ADGRL3: variants seen among roughly 807,000 people sequenced by gnomAD.
The protein encoded by ADGRL3 is calcium-independent alpha-latrotoxin receptor 3.
In ADGRL3, 62 loss-of-function variants were observed where a neutral mutation model predicts 153.5. The ratio of observed to expected loss-of-function variants is 0.40; its 90% CI spans 0.33 to 0.50. ADGRL3 has a LOEUF of 0.50. ADGRL3 is among the 20% of genes least tolerant of loss of function. The probability of loss-of-function intolerance (pLI) is 0.47; values close to 1 mark genes in which losing one functional copy is unlikely to be tolerated. For missense variants in ADGRL3, 1,641 were observed against 1,859.4 expected (o/e 0.88, Z 2.16); for synonymous variants, 710 against 672.5 (o/e 1.06, Z -0.86).
At chr4:61,928,601 T>C (rs187466841) in intron 13 of ADGRL3, among the ~76,000 whole-genome samples, 9 of 152,318 alleles carry the variant, frequency 5.9e-5, no homozygotes, top group African/African-American at 2.2e-4. Context: ...AAATTACCTT[T>C]GGAAACATTA....
intron 11 of ADGRL3, among the ~76,000 whole-genome samples, chr4:61,903,058 T>C (rs372767928): frequency 6.6e-6 from 1 of 152,186 alleles, no homozygotes; most frequent in Non-Finnish European, 1.5e-5. Flanking sequence ...CGGATGGAGA[T>C]AGCTAGACAC....
At chr4:61,204,787 C>T (rs574476462) in intron 1 of ADGRL3, among the ~76,000 whole-genome samples, 1 of 151,976 alleles carries the variant, frequency 6.6e-6, no homozygotes, top group Non-Finnish European at 1.5e-5. Flanking sequence ...ATCAGGCATC[C>T]CCGGCCTGAA....
chr4:61,316,569 A>C (rs2150654313), intron 1 of ADGRL3, among the ~76,000 whole-genome samples: 1 of 152,322 alleles, frequency 6.6e-6, no homozygotes, highest in South Asian at 2.1e-4. Flanking sequence ...TTACACCGTA[A>C]AAAGATCATC....
At chr4:61,856,809 G>A (rs2098273014) in intron 9 of ADGRL3, among the ~76,000 whole-genome samples, 1 of 150,776 alleles carries the variant, frequency 6.6e-6, no homozygotes, top group Non-Finnish European at 1.5e-5. Flanking sequence ...TCACCATGTT[G>A]GCCAGATTGG....
chr4:62,075,043 A>G lies in ADGRL3; in HGVS notation c.*4135A>G, dbSNP rs1279585823. On this transcript the variant is annotated 3_prime_UTR_variant, in exon 27 of 27. Transcript: ENST00000683033. ...ACTGACTTTCTACATTACTGTAAAG[A>G]TCAAAAGGGAGAGGAAAAATAGTTT... 6.6e-6 allele frequency: 1 copy of G among 152,122 alleles called. No individual in the cohort carries two copies. Among genetic ancestry groups the G allele is most frequent in the East Asian group, 1.9e-4 (1 of 5,200 alleles). 9.4% of individuals were successfully genotyped at this position (152,122 alleles called of 1,614,324 possible).
At chr4:61,775,577 G>C (rs1265864317) in intron 8 of ADGRL3, 44 of 919,716 alleles carry the variant, frequency 4.8e-5, no homozygotes, top group Non-Finnish European at 7.1e-5. Context: ...GTTTTACAGA[G>C]GCCTACCCTT....
rs556392249 is a variant in ADGRL3 at position 61,402,323 on chromosome 4, A to T, written c.-174+19134A>T. Among the ~76,000 whole-genome samples, 5 of 152,228 alleles carry T rather than the reference A, an allele frequency of 3.3e-5. No individual in the cohort carries two copies. In the East Asian group the frequency reaches 7.7e-4, roughly 24 times the overall value. ...AAAGTTAGTGCTTAAATATTCAAAAAATTTTTTTAAAAATTATTCTTTGCT... is the reference window on the plus strand; with the variant it reads ...AAAGTTAGTGCTTAAATATTCAAAATATTTTTTTAAAAATTATTCTTTGCT... On this transcript the variant is annotated intron_variant, in intron 2 of 26. Transcript: ENST00000683033.
At chr4:61,418,473 C>T (rs1046523556) in intron 2 of ADGRL3, among the ~76,000 whole-genome samples, 2 of 151,272 alleles carry the variant, frequency 1.3e-5, no homozygotes, top group Non-Finnish European at 2.9e-5. Context: ...TTGGGGTCAT[C>T]TTGTGTGCAT....
At chr4:62,024,980 A>G (rs1395330072) in intron 21 of ADGRL3, among the ~76,000 whole-genome samples, 2 of 151,632 alleles carry the variant, frequency 1.3e-5, no homozygotes, top group South Asian at 2.1e-4. Context: ...TATTCTTCCT[A>G]TAGTGATGAA....
At chr4:62,057,356 C>A (rs1424415451) in intron 25 of ADGRL3, among the ~76,000 whole-genome samples, 2 of 152,080 alleles carry the variant, frequency 1.3e-5, no homozygotes, top group Non-Finnish European at 2.9e-5. Flanking sequence ...TGTGTTAAAA[C>A]TATACATTAG....
At chr4:61,326,217 A>G (rs564513899) in intron 1 of ADGRL3, among the ~76,000 whole-genome samples, 19 of 152,188 alleles carry the variant, frequency 1.2e-4, no homozygotes, top group African/African-American at 4.1e-4. Context: ...AGTAGTTACT[A>G]TTTACTAGGT....
At chr4:61,279,090 GACT>G (rs2093612065) in intron 1 of ADGRL3, among the ~76,000 whole-genome samples, 1 of 152,156 alleles carries the variant, frequency 6.6e-6, no homozygotes, top group African/African-American at 2.4e-5. Context: ...AGCAGATCAT[GACT>G]GTCTAGACAG....
chr4:61,793,973 G>GA lies in ADGRL3; in HGVS notation c.1400-19830dup, dbSNP rs908645229. Among the ~76,000 whole-genome samples the GA allele has an allele frequency of 4.6e-5, 7 of 152,102 alleles. No individual in the cohort carries two copies. The East Asian group carries it at 9.7e-4, about 21-fold the overall frequency. On this transcript the variant is annotated intron_variant, in intron 8 of 26. Coordinates refer to ENST00000683033, the MANE Select transcript of ADGRL3 (RefSeq NM_001387552.1). ...AGATTTAAAGTACATTAGAAACCTG[G>GA]AAAAAATAGAATAAATCTCTAATAC...
At chr4:61,404,737 A>G (rs944530585) in intron 2 of ADGRL3, among the ~76,000 whole-genome samples, 1 of 152,074 alleles carries the variant, frequency 6.6e-6, no homozygotes, top group South Asian at 2.1e-4. Context: ...GTGCTTTGCA[A>G]AAAGTGTCTG....
intron 1 of ADGRL3, among the ~76,000 whole-genome samples, chr4:61,299,230 A>G (rs529553127): frequency 3.3e-5 from 5 of 152,050 alleles, no homozygotes; most frequent in African/African-American, 7.3e-5. Flanking sequence ...AACACTTCAC[A>G]TATCACAAGC....
intron 9 of ADGRL3, among the ~76,000 whole-genome samples, chr4:61,883,127 CAA>C (rs1278105401): frequency 1.3e-5 from 2 of 152,046 alleles, no homozygotes; most frequent in Admixed American, 1.3e-4. Context: ...AAAAACGAAA[CAA>C]AACAAAAAAA....
At position 61,869,093 on chromosome 4, in the gene ADGRL3, C is replaced by T. The variant is rs180825216; in HGVS notation, c.1481-23563C>T. On this transcript the variant is annotated intron_variant, in intron 9 of 26. Transcript: ENST00000683033. ...GAGTAGCTGGGACTACAGGCACACA[C>T]CACCATGCCCAGCTAATTTTTTTGT... is the stretch of plus-strand genomic sequence containing the variant. Among the ~76,000 whole-genome samples, 531 of 152,262 alleles carry T rather than the reference C, an allele frequency of 3.5e-3. 2 individuals are homozygous for T. The highest frequency in any genetic ancestry group is 5.9e-3 in the Non-Finnish European group (404 of 68,012).
intron 6 of ADGRL3, among the ~76,000 whole-genome samples, chr4:61,680,405 C>CGTGTGTGT (rs3075156): frequency 2.4e-4 from 34 of 144,062 alleles, no homozygotes; most frequent in African/African-American, 8.7e-4. Context: ...TATACATACT[C>CGTGTGTGT]GTGTGTGTGT....
intron 5 of ADGRL3, among the ~76,000 whole-genome samples, chr4:61,603,183 T>G (rs2099018690): frequency 6.6e-6 from 1 of 152,146 alleles, no homozygotes; most frequent in African/African-American, 2.4e-5. Flanking sequence ...CACACAGTAT[T>G]TACATTAGTA....
Sources: gnomAD v4.1 joint callset for allele counts (sites outside exome capture counted in the v4.1 genomes callset) on GRCh38, gnomAD v4.1.1 for gene constraint, MANE v1.5 for transcripts, NCBI Gene and HGNC (gene_info 2026-07-23, HGNC 2026-07-21) for gene names.